The following CXADR variants were observed in gnomAD, a reference collection of about 807,000 sequenced individuals.
CXADR encodes the protein coxsackievirus and adenovirus receptor.
A neutral mutation model predicts 40.3 loss-of-function variants in CXADR; 20 were observed. That is an observed-to-expected ratio of 0.50 (90% CI 0.35 to 0.72). The LOEUF is 0.72. Among genes scored for constraint, CXADR ranks in the 30% least tolerant of loss-of-function variants. The pLI, the probability that CXADR is intolerant of heterozygous loss-of-function variation, is 0.01. For synonymous variants in CXADR, 150 were observed against 161.3 expected (o/e 0.93, Z 0.53); for missense variants, 332 against 449.1 (o/e 0.74, Z 2.36).
intron 1 of CXADR, among the ~76,000 whole-genome samples, chr21:17,524,746 G>A (rs1194763814): frequency 6.6e-6 from 1 of 151,738 alleles, no homozygotes; most frequent in Non-Finnish European, 1.5e-5. Flanking sequence ...AATTAGCCAC[G>A]TGTGATACAA....
At chr21:17,524,633 G>A (rs908018860) in intron 1 of CXADR, among the ~76,000 whole-genome samples, 8 of 144,372 alleles carry the variant, frequency 5.5e-5, no homozygotes, top group Non-Finnish European at 7.5e-5. Context: ...GGTGGTGTGC[G>A]CCTGTAATTC....
intron 7 of CXADR, among the ~76,000 whole-genome samples, chr21:17,589,235 G>T (rs894146370): frequency 2.6e-5 from 4 of 151,876 alleles, no homozygotes; most frequent in African/African-American, 9.7e-5. Context: ...ATATTTCCTT[G>T]TAGACACAGT....
At chr21:17,531,896 G>T (rs1245089906) in intron 1 of CXADR, among the ~76,000 whole-genome samples, 3 of 151,372 alleles carry the variant, frequency 2.0e-5, no homozygotes, top group Admixed American at 2.0e-4. Flanking sequence ...GGTACCTAGG[G>T]TCTAATAAAA....
chr21:17,584,244 A>G (rs556298967), intron 7 of CXADR, among the ~76,000 whole-genome samples: 1 of 152,364 alleles, frequency 6.6e-6, no homozygotes, highest in African/African-American at 2.4e-5. Flanking sequence ...ACATGAGATA[A>G]TCCATGTAAA....
intron 1 of CXADR, chr21:17,542,071 GT>G: frequency 5.9e-6 from 2 of 339,986 alleles, no homozygotes; most frequent in Non-Finnish European, 1.1e-5. Flanking sequence ...TTTTAGTATA[GT>G]TAAATTTTTG....
rs1288569265 is a variant in CXADR, at chr21:17,569,350, C to T, written c.*3658C>T. Reference sequence around the variant, plus strand: ...TGGCACAATTTTAACTTCTTAGTGGCTTGTGACATTATATATTATATATAT... The same window carrying T: ...TGGCACAATTTTAACTTCTTAGTGGTTTGTGACATTATATATTATATATAT... On this transcript the variant is annotated 3_prime_UTR_variant, in exon 7 of 7. Transcript: ENST00000284878. 1 of 981,460 alleles carries T rather than the reference C, an allele frequency of 1.0e-6. No individual in the cohort carries two copies. Among genetic ancestry groups the T allele is most frequent in the South Asian group, 4.7e-5 (1 of 21,122 alleles). The allele number at this position is 981,460 out of a possible 1,614,324, so 60.8% of individuals were successfully genotyped here.
At chr21:17,576,340 C>A (rs2061322320) in intron 7 of CXADR, among the ~76,000 whole-genome samples, 1 of 152,106 alleles carries the variant, frequency 6.6e-6, no homozygotes, top group Non-Finnish European at 1.5e-5. Flanking sequence ...CTTAGACAAA[C>A]CACTTAACCT....
At chr21:17,590,670 C>T (rs2061428710) in intron 7 of CXADR, among the ~76,000 whole-genome samples, 1 of 151,870 alleles carries the variant, frequency 6.6e-6, no homozygotes, top group African/African-American at 2.4e-5. Context: ...CAATAGATTC[C>T]AGAGTATATG....
rs555351494 is a variant in CXADR at position 17,581,167 on chromosome 21, A to C, written c.1018-11985A>C. ...TCCCAAAACTGTATAGTGTTACATC[A>C]AAGTGATACACTATAACGTATATAA... On this transcript the variant is annotated intron_variant, in intron 7 of 7. Transcript: ENST00000400169. 1.1e-4 allele frequency among the ~76,000 whole-genome samples: 17 copies of C among 152,352 alleles called. No homozygotes were observed. In the South Asian group the frequency reaches 2.3e-3, roughly 20 times the overall value.
At chr21:17,610,517 A>G in the CXADR span, among the ~76,000 whole-genome samples, 2 of 152,204 alleles carry the variant, frequency 1.3e-5, no homozygotes, top group African/African-American at 4.8e-5. Flanking sequence ...ATAATCAGAG[A>G]TTTAGCTACA....
At chr21:17,513,580 C>T (rs2849890) in intron 1 of CXADR, among the ~76,000 whole-genome samples, 44,926 of 152,214 alleles carry the variant, frequency 0.3, 7,840 homozygotes, top group Admixed American at 0.45. Flanking sequence ...AAACCTTGGG[C>T]GGCGAGTTTT....
chr21:17,555,969 G>A (rs537351691), intron 3 of CXADR, among the ~76,000 whole-genome samples: 1 of 152,292 alleles, frequency 6.6e-6, no homozygotes, highest in South Asian at 2.1e-4. Context: ...GTAGACTGGT[G>A]CAGCCACTAG....
chr21:17,514,113 G>A (rs1052020140), intron 1 of CXADR, among the ~76,000 whole-genome samples: 4 of 152,158 alleles, frequency 2.6e-5, no homozygotes, highest in Non-Finnish European at 5.9e-5. Context: ...GTCAAACTAA[G>A]CACTTGCTGC....
At chr21:17,622,692 C>T in the CXADR span, among the ~76,000 whole-genome samples, 10 of 152,046 alleles carry the variant, frequency 6.6e-5, no homozygotes, top group East Asian at 1.9e-4. Context: ...GAGAGTAGAA[C>T]GAAGTTGTTA....
At chr21:17,530,222 C>T (rs1488704540) in intron 1 of CXADR, among the ~76,000 whole-genome samples, 1 of 150,934 alleles carries the variant, frequency 6.6e-6, no homozygotes, top group Non-Finnish European at 1.5e-5. Flanking sequence ...ACCTCGGCCT[C>T]CCAAAGTGCT....
the CXADR span, among the ~76,000 whole-genome samples, chr21:17,616,347 T>TC: frequency 6.7e-6 from 1 of 150,358 alleles, no homozygotes; most frequent in African/African-American, 2.4e-5. Context: ...TTTTTTTTTT[T>TC]TTTTTTGAGA....
At chr21:17,528,486 ACCT>A (rs1355281606) in intron 1 of CXADR, among the ~76,000 whole-genome samples, 4 of 150,018 alleles carry the variant, frequency 2.7e-5, no homozygotes, top group Non-Finnish European at 5.9e-5. Context: ...GCTCACCGTA[ACCT>A]CCACCTCCCG....
At position 17,569,216 on chromosome 21, in the gene CXADR, C is replaced by G. The variant is rs2061253749; in HGVS notation, c.*3524C>G. On this transcript the variant is annotated 3_prime_UTR_variant, in exon 7 of 7. Transcript: ENST00000284878. ...TTTTTTCTTCTAATTTTCACTTCAG[C>G]AGTGTTTAGGGCTTTCAGATGCCTT... 1 of 985,168 alleles carries G rather than the reference C, an allele frequency of 1.0e-6. No individual in the cohort carries two copies. 61.0% of individuals were successfully genotyped at this position (985,168 alleles called of 1,614,324 possible).
chr21:17,632,100 C>T, the CXADR span, among the ~76,000 whole-genome samples: 1 of 152,216 alleles, frequency 6.6e-6, no homozygotes, highest in Non-Finnish European at 1.5e-5. Flanking sequence ...GTGTGAGCCA[C>T]TGCACCCAGC....
Sources: allele counts gnomAD v4.1 joint callset (sites outside exome capture counted in the v4.1 genomes callset), GRCh38; gene constraint gnomAD v4.1.1; transcripts MANE v1.5; gene names NCBI Gene and HGNC (gene_info 2026-07-23, HGNC 2026-07-21).